Variants in OR51C1 observed in about 807,000 individuals in gnomAD.
The protein encoded by OR51C1 is olfactory receptor OR51C1.
At chr11:4,693,819 T>C in the OR51C1 span, among the ~76,000 whole-genome samples, 26 of 152,326 alleles carry the variant, frequency 1.7e-4, no homozygotes, top group African/African-American at 6.3e-4. Flanking sequence ...TAACTGAGTA[T>C]CTGGATCTTA....
chr11:4,692,794 A>G, the OR51C1 span, among the ~76,000 whole-genome samples: 3 of 151,364 alleles, frequency 2.0e-5, no homozygotes, highest in Admixed American at 1.3e-4. Context: ...ACGTATCCAG[A>G]CTCACACATT....
the OR51C1 span, among the ~76,000 whole-genome samples, chr11:4,697,216 A>G: frequency 3.9e-5 from 6 of 152,216 alleles, no homozygotes; most frequent in Non-Finnish European, 8.8e-5. Flanking sequence ...CGTGCTCTCA[A>G]AAACAATTGT....
At chr11:4,693,176 C>T in the OR51C1 span, among the ~76,000 whole-genome samples, 1 of 152,038 alleles carries the variant, frequency 6.6e-6, no homozygotes, top group South Asian at 2.1e-4. Flanking sequence ...TTGGTCATTC[C>T]ACAATGCATA....
chr11:4,693,458 A>C, the OR51C1 span, among the ~76,000 whole-genome samples: 4 of 152,250 alleles, frequency 2.6e-5, no homozygotes, highest in South Asian at 8.3e-4. Context: ...GCGGTGGCTC[A>C]CGCCTGTAGT....
chr11:4,696,029 G>A, the OR51C1 span, among the ~76,000 whole-genome samples: 5 of 152,142 alleles, frequency 3.3e-5, no homozygotes, highest in Admixed American at 2.6e-4. Flanking sequence ...TTAACGCTGT[G>A]GCAAAGTTTC....
the OR51C1 span, among the ~76,000 whole-genome samples, chr11:4,693,459 C>G: frequency 6.6e-6 from 1 of 152,254 alleles, no homozygotes. Flanking sequence ...CGGTGGCTCA[C>G]GCCTGTAGTC....
At chr11:4,693,244 A>G in the OR51C1 span, among the ~76,000 whole-genome samples, 1 of 152,232 alleles carries the variant, frequency 6.6e-6, no homozygotes, top group Non-Finnish European at 1.5e-5. Flanking sequence ...TTTGTCAACT[A>G]GAAATAAGAT....
At chr11:4,692,710 C>T in the OR51C1 span, among the ~76,000 whole-genome samples, 1 of 152,106 alleles carries the variant, frequency 6.6e-6, no homozygotes, top group African/African-American at 2.4e-5. Context: ...AGGGTAACTT[C>T]TTCAGAGGAA....
the OR51C1 span, among the ~76,000 whole-genome samples, chr11:4,695,368 A>G: frequency 6.6e-6 from 1 of 152,224 alleles, no homozygotes; most frequent in Non-Finnish European, 1.5e-5. Context: ...TAACTCAACA[A>G]TAAAAGCTTC....
chr11:4,696,196 G>A, the OR51C1 span, among the ~76,000 whole-genome samples: 1 of 152,164 alleles, frequency 6.6e-6, no homozygotes, highest in African/African-American at 2.4e-5. Flanking sequence ...ACCCCTGAGG[G>A]ACATCTCTAC....
chr11:4,691,022 G>A, the OR51C1 span: 1 of 456,418 alleles, frequency 2.2e-6, no homozygotes, highest in Non-Finnish European at 4.4e-6. Context: ...CAACGCTAAG[G>A]ACAGTCCTAA....
the OR51C1 span, among the ~76,000 whole-genome samples, chr11:4,695,273 G>T: frequency 6.6e-6 from 1 of 152,114 alleles, no homozygotes; most frequent in Non-Finnish European, 1.5e-5. Context: ...CTCATTTAAT[G>T]CCAACAAAAT....
At chr11:4,691,562 G>A in the OR51C1 span, 1 of 456,986 alleles carries the variant, frequency 2.2e-6, no homozygotes, top group East Asian at 6.9e-5. Flanking sequence ...TAGCGAAGAG[G>A]ATCAGGCTGT....
At chr11:4,691,251 A>C in the OR51C1 span, 1 of 456,978 alleles carries the variant, frequency 2.2e-6, no homozygotes, top group Non-Finnish European at 4.4e-6. Context: ...CCCCCTGATG[A>C]CACTTGCCAC....
chr11:4,693,648 A>G, the OR51C1 span, among the ~76,000 whole-genome samples: 4 of 152,102 alleles, frequency 2.6e-5, no homozygotes, highest in Non-Finnish European at 4.4e-5. Context: ...GTGAACCTGG[A>G]AGGCGGAGCT....
At chr11:4,695,703 C>T in the OR51C1 span, among the ~76,000 whole-genome samples, 1 of 152,144 alleles carries the variant, frequency 6.6e-6, no homozygotes, top group Non-Finnish European at 1.5e-5. Context: ...CTCATCTCAA[C>T]TTTCAGCAAT....
the OR51C1 span, among the ~76,000 whole-genome samples, chr11:4,692,601 A>G: frequency 6.6e-6 from 1 of 152,226 alleles, no homozygotes; most frequent in Non-Finnish European, 1.5e-5. Flanking sequence ...AGAAAGGTAG[A>G]TAGATGGGTA....
chr11:4,691,044 T>C, the OR51C1 span: 1 of 456,590 alleles, frequency 2.2e-6, no homozygotes, highest in South Asian at 1.5e-5. Flanking sequence ...GATCAAAACA[T>C]AAGAAAGGAG....
the OR51C1 span, among the ~76,000 whole-genome samples, chr11:4,692,820 C>G: frequency 6.7e-6 from 1 of 149,690 alleles, no homozygotes. Context: ...TGATAAAGTG[C>G]CACCTCAAGG....
Sources: allele counts gnomAD v4.1 joint callset (sites outside exome capture counted in the v4.1 genomes callset), GRCh38; gene constraint gnomAD v4.1.1; transcripts MANE v1.5; gene names NCBI Gene and HGNC (gene_info 2026-07-23, HGNC 2026-07-21).